Variants in SYT16 observed in about 807,000 individuals in gnomAD.
The protein encoded by SYT16 is synaptotagmin-16.
SYT16 carries 42 observed loss-of-function variants against 61.4 expected under a neutral mutation model. That is an observed-to-expected ratio of 0.68 (90% confidence interval 0.53 to 0.89). The LOEUF (loss-of-function observed/expected upper bound fraction) is 0.89, where lower values mean the gene tolerates loss of function less well. SYT16 is among the 40% of genes least tolerant of loss of function. The probability of loss-of-function intolerance (pLI) is 0.00; values close to 1 mark genes in which losing one functional copy is unlikely to be tolerated. For missense variants in SYT16, 804 were observed against 807.3 expected (o/e 1.00, Z 0.05); for synonymous variants, 314 against 302.3 (o/e 1.04, Z -0.40).
At chr14:62,023,980 A>G (rs939384527) in intron 3 of SYT16, among the ~76,000 whole-genome samples, 3 of 152,170 alleles carry the variant, frequency 2.0e-5, no homozygotes, top group African/African-American at 7.2e-5. Flanking sequence ...TTTATCTAAT[A>G]TAAAAAGTAG....
Position 62,026,922 on chromosome 14 carries a change from C to CT in SYT16, c.523+30386dup, listed in dbSNP as rs1328150908. Among the ~76,000 whole-genome samples the CT allele has an allele frequency of 1.1e-4, 16 of 151,984 alleles. 1 individual carries two copies. The highest frequency in any genetic ancestry group is 3.3e-4 in the Admixed American group (5 of 15,246). On this transcript the variant is annotated intron_variant, in intron 3 of 7. Transcript: ENST00000683842. ...TTAGTTATATTTTTATTTTCAACTA[C>CT]TTTTTTGCCTGCTTGATCTTTCAGA...
intron 3 of SYT16, among the ~76,000 whole-genome samples, chr14:62,000,099 A>ATTTTTTTTTTTTTTTTTT: frequency 1.1e-4 from 2 of 18,958 alleles, no homozygotes; most frequent in Non-Finnish European, 1.7e-4. Flanking sequence ...TTGTCTCTCG[A>ATTTTTTTTTTTTTTTTTT]TTTTTTTTTT....
At chr14:62,025,141 A>G (rs1294313814) in intron 3 of SYT16, among the ~76,000 whole-genome samples, 1 of 152,146 alleles carries the variant, frequency 6.6e-6, no homozygotes, top group Admixed American at 6.5e-5. Context: ...TCTTTTGGAC[A>G]AATACACAAT....
intron 3 of SYT16, among the ~76,000 whole-genome samples, chr14:62,015,234 C>T (rs72718560): frequency 0.52 from 78,456 of 151,622 alleles, 20,619 homozygotes; most frequent in East Asian, 0.71. Context: ...TTTATGCTTT[C>T]CCAATAATTT....
intron 7 of SYT16, among the ~76,000 whole-genome samples, chr14:62,099,909 C>T (rs1595414153): frequency 6.6e-6 from 1 of 152,120 alleles, no homozygotes; most frequent in East Asian, 1.9e-4. Context: ...CTCTCTCTCA[C>T]TCACACACAC....
chr14:61,860,268 AT>A (rs1262091215), intron 1 of SYT16, among the ~76,000 whole-genome samples: 1 of 152,192 alleles, frequency 6.6e-6, no homozygotes, highest in Non-Finnish European at 1.5e-5. Context: ...TTTGGGTGTG[AT>A]TTATTTTTAG....
At chr14:62,041,112 G>C (rs966678346) in intron 3 of SYT16, among the ~76,000 whole-genome samples, 6 of 152,134 alleles carry the variant, frequency 3.9e-5, no homozygotes, top group African/African-American at 1.4e-4. Flanking sequence ...TGTAGTCTGG[G>C]AGGCTAGTCC....
At chr14:61,868,568 A>T (rs1353393935) in intron 1 of SYT16, among the ~76,000 whole-genome samples, 2 of 151,820 alleles carry the variant, frequency 1.3e-5, no homozygotes, top group Non-Finnish European at 2.9e-5. Flanking sequence ...TAATCATGGG[A>T]TATTTATAAG....
At chr14:61,934,144 C>G (rs1431874695) in intron 1 of SYT16, among the ~76,000 whole-genome samples, 1 of 152,166 alleles carries the variant, frequency 6.6e-6, no homozygotes, top group South Asian at 2.1e-4. Context: ...TTATAACATT[C>G]ATGATTGTAT....
At chr14:62,055,903 G>T (rs903888352) in intron 3 of SYT16, among the ~76,000 whole-genome samples, 1 of 152,156 alleles carries the variant, frequency 6.6e-6, no homozygotes, top group Non-Finnish European at 1.5e-5. Context: ...TGGTGAAGCC[G>T]ACAGAGCAGC....
intron 3 of SYT16, 34 bp from the exon 4 acceptor site, chr14:62,069,569 A>G: frequency 6.2e-7 from 1 of 1,601,288 alleles, no homozygotes; most frequent in Non-Finnish European, 8.6e-7. Context: ...CATATAGGCC[A>G]CACAGGAGAC....
chr14:62,084,425 A>T, intron 7 of SYT16, 40 bp downstream of exon 7: 1 of 1,578,636 alleles, frequency 6.3e-7, no homozygotes, highest in Admixed American at 2.0e-5. Flanking sequence ...GTTCTTCCAG[A>T]GGCAAGTGGA....
intron 1 of SYT16, among the ~76,000 whole-genome samples, chr14:61,819,640 A>C (rs944682952): frequency 2.6e-5 from 4 of 152,228 alleles, no homozygotes; most frequent in Non-Finnish European, 5.9e-5. Context: ...TGGTTTATAT[A>C]CTTAATTCAA....
intron 1 of SYT16, among the ~76,000 whole-genome samples, chr14:61,871,204 C>G (rs118180961): frequency 0.022 from 3,286 of 152,006 alleles, 65 homozygotes; most frequent in Admixed American, 0.038. Context: ...ACTTTATACT[C>G]TATATATTAG....
intron 7 of SYT16, among the ~76,000 whole-genome samples, chr14:62,099,115 A>G (rs988742895): frequency 1.3e-5 from 2 of 152,204 alleles, no homozygotes; most frequent in Non-Finnish European, 2.9e-5. Context: ...GTCTACACCA[A>G]GAAATTGAGC....
intron 3 of SYT16, among the ~76,000 whole-genome samples, chr14:62,032,164 C>T (rs1158861756): frequency 2.0e-5 from 3 of 151,972 alleles, no homozygotes; most frequent in South Asian, 2.1e-4. Context: ...GAAGGAAACT[C>T]AAGTTACAAA....
intron 3 of SYT16, among the ~76,000 whole-genome samples, chr14:62,048,105 C>T (rs1296871070): frequency 6.6e-6 from 1 of 152,138 alleles, no homozygotes; most frequent in African/African-American, 2.4e-5. Flanking sequence ...CCATCTGGTC[C>T]TGGATTTTTT....
At chr14:61,959,484 C>G (rs572040656) in intron 1 of SYT16, among the ~76,000 whole-genome samples, 113 of 152,150 alleles carry the variant, frequency 7.4e-4, no homozygotes, top group African/African-American at 2.7e-3. Flanking sequence ...GTATTTTAAG[C>G]TGATAACTTC....
chr14:61,983,727 T>C (rs1376616757), intron 2 of SYT16, among the ~76,000 whole-genome samples: 1 of 152,110 alleles, frequency 6.6e-6, no homozygotes, highest in African/African-American at 2.4e-5. Context: ...GGGGTCTCAC[T>C]ATGTTGCCTA....
Sources: gnomAD v4.1 joint callset for allele counts (sites outside exome capture counted in the v4.1 genomes callset) on GRCh38, gnomAD v4.1.1 for gene constraint, MANE v1.5 for transcripts, NCBI Gene and HGNC (gene_info 2026-07-23, HGNC 2026-07-21) for gene names.